Variants in ENTREP2 observed in about 807,000 individuals in gnomAD.
The protein encoded by ENTREP2 is protein ENTREP2.
the ENTREP2 span, among the ~76,000 whole-genome samples, chr15:29,306,945 GC>G: frequency 6.6e-6 from 1 of 151,996 alleles, no homozygotes; most frequent in East Asian, 1.9e-4. Context: ...ACAGGGTTTC[GC>G]CATGTTGCCC....
At chr15:29,307,109 C>T in the ENTREP2 span, among the ~76,000 whole-genome samples, 76,613 of 151,602 alleles carry the variant, frequency 0.51, 22,167 homozygotes, top group African/African-American at 0.82. Context: ...TATAGTGGTA[C>T]TTCTCTCTAG....
chr15:29,173,573 C>T, the ENTREP2 span, among the ~76,000 whole-genome samples: 39 of 152,122 alleles, frequency 2.6e-4, no homozygotes, highest in African/African-American at 8.7e-4. Context: ...TGGGAGGATT[C>T]CGCCAGGGTG....
the ENTREP2 span, among the ~76,000 whole-genome samples, chr15:29,403,376 T>C: frequency 6.6e-6 from 1 of 152,134 alleles, no homozygotes; most frequent in African/African-American, 2.4e-5. Context: ...GAGTATTACA[T>C]AAACCATTTG....
the ENTREP2 span, among the ~76,000 whole-genome samples, chr15:29,229,625 T>C: frequency 1.3e-5 from 2 of 152,198 alleles, no homozygotes; most frequent in African/African-American, 4.8e-5. Context: ...TTGGTATCAT[T>C]GCTTCACATG....
At chr15:29,337,547 C>A in the ENTREP2 span, among the ~76,000 whole-genome samples, 2 of 152,174 alleles carry the variant, frequency 1.3e-5, no homozygotes, top group South Asian at 4.1e-4. Flanking sequence ...GGGAAACACA[C>A]AAACTGCAAG....
chr15:29,615,433 C>T, the ENTREP2 span, among the ~76,000 whole-genome samples: 2 of 152,064 alleles, frequency 1.3e-5, no homozygotes, highest in Non-Finnish European at 2.9e-5. Context: ...TGGGATTAGA[C>T]GTGAGCCACA....
chr15:29,174,697 C>CAAAAA, the ENTREP2 span, among the ~76,000 whole-genome samples: 6 of 106,012 alleles, frequency 5.7e-5, no homozygotes, highest in African/African-American at 2.6e-4. Context: ...CTAAACAAAA[C>CAAAAA]AAAACAAAAC....
chr15:29,320,806 G>T, the ENTREP2 span, among the ~76,000 whole-genome samples: 1 of 151,990 alleles, frequency 6.6e-6, no homozygotes, highest in Non-Finnish European at 1.5e-5. Flanking sequence ...TTGAAGATAG[G>T]TCAACACAAA....
chr15:29,201,227 G>A, the ENTREP2 span, among the ~76,000 whole-genome samples: 1 of 152,060 alleles, frequency 6.6e-6, no homozygotes, highest in Non-Finnish European at 1.5e-5. Flanking sequence ...AACAGAGTTA[G>A]TTATATTTGT....
chr15:29,189,371 T>TG, the ENTREP2 span, among the ~76,000 whole-genome samples: 2 of 151,614 alleles, frequency 1.3e-5, no homozygotes, highest in African/African-American at 4.8e-5. Context: ...AGAAGTCTCG[T>TG]GCTGAGTGGT....
chr15:29,289,546 C>T, the ENTREP2 span, among the ~76,000 whole-genome samples: 9 of 151,994 alleles, frequency 5.9e-5, no homozygotes, highest in African/African-American at 2.2e-4. Flanking sequence ...AGAGAGTGCA[C>T]AAAAAGATTT....
At chr15:29,659,884 C>T in the ENTREP2 span, among the ~76,000 whole-genome samples, 7,764 of 151,972 alleles carry the variant, frequency 0.051, 240 homozygotes, top group African/African-American at 0.07. Flanking sequence ...CTGCAACCTC[C>T]GCCTCCCAGG....
the ENTREP2 span, among the ~76,000 whole-genome samples, chr15:29,211,144 T>C: frequency 2.6e-5 from 4 of 152,182 alleles, no homozygotes; most frequent in African/African-American, 9.7e-5. Flanking sequence ...CTTCAGTCTT[T>C]TACTACGAAG....
At chr15:29,272,698 T>C in the ENTREP2 span, among the ~76,000 whole-genome samples, 5 of 152,280 alleles carry the variant, frequency 3.3e-5, no homozygotes, top group African/African-American at 4.8e-5. Context: ...TAATAAGCTA[T>C]AGGAGGAGTC....
At chr15:29,154,476 G>C in the ENTREP2 span, among the ~76,000 whole-genome samples, 1 of 151,074 alleles carries the variant, frequency 6.6e-6, no homozygotes, top group African/African-American at 2.5e-5. Context: ...AAAAGATTTA[G>C]AATGATAGTA....
At chr15:29,141,349 C>A in the ENTREP2 span, among the ~76,000 whole-genome samples, 1 of 152,194 alleles carries the variant, frequency 6.6e-6, no homozygotes, top group Admixed American at 6.5e-5. Flanking sequence ...CTGAGAAGCA[C>A]CATTGCTCAC....
chr15:29,595,652 C>T, the ENTREP2 span, among the ~76,000 whole-genome samples: 1 of 152,068 alleles, frequency 6.6e-6, no homozygotes, highest in Non-Finnish European at 1.5e-5. Context: ...TTCTTCTGCT[C>T]GGGTTTGTCT....
chr15:29,333,859 T>C, the ENTREP2 span, among the ~76,000 whole-genome samples: 2 of 151,676 alleles, frequency 1.3e-5, no homozygotes, highest in Non-Finnish European at 2.9e-5. Flanking sequence ...GACTGTGTCC[T>C]TAGGAAAAGG....
chr15:29,269,036 T>C, the ENTREP2 span: 1 of 1,614,136 alleles, frequency 6.2e-7, no homozygotes, highest in Non-Finnish European at 8.5e-7. Context: ...AAGTCCTCAG[T>C]AATGAGTTTC....
Sources: gnomAD v4.1 joint callset for allele counts (sites outside exome capture counted in the v4.1 genomes callset) on GRCh38, gnomAD v4.1.1 for gene constraint, MANE v1.5 for transcripts, NCBI Gene and HGNC (gene_info 2026-07-23, HGNC 2026-07-21) for gene names.